TMEM117: variants seen among roughly 807,000 people sequenced by gnomAD.
TMEM117 encodes transmembrane protein 117.
Under a neutral mutation model 52.4 loss-of-function variants are expected in TMEM117, and 27 were observed. The ratio of observed to expected loss-of-function variants is 0.51; its 90% CI spans 0.38 to 0.71. TMEM117 has a LOEUF of 0.71. Ranked by LOEUF, TMEM117 falls within the 30% of genes least tolerant of loss-of-function variation. TMEM117 has a pLI of 0.00. For synonymous variants in TMEM117, 215 were observed against 206.3 expected (o/e 1.04, Z -0.36); for missense variants, 556 against 630.5 (o/e 0.88, Z 1.26).
intron 3 of TMEM117, among the ~76,000 whole-genome samples, chr12:44,096,944 A>G (rs1187885539): frequency 1.3e-5 from 2 of 151,948 alleles, no homozygotes; most frequent in Admixed American, 1.3e-4. Context: ...AGAATGGGAG[A>G]AAATTTTCAC....
intron 2 of TMEM117, among the ~76,000 whole-genome samples, chr12:43,849,304 C>T (rs1056802223): frequency 6.6e-6 from 1 of 152,156 alleles, no homozygotes; most frequent in Non-Finnish European, 1.5e-5. Context: ...AAGAAATTTT[C>T]TCAGCATAGG....
chr12:44,332,707 G>A (rs1287469540), intron 6 of TMEM117, among the ~76,000 whole-genome samples: 1 of 130,054 alleles, frequency 7.7e-6, no homozygotes, highest in Non-Finnish European at 1.6e-5. Flanking sequence ...ACAAACTACT[G>A]TTACTACACA....
At chr12:43,969,261 C>G (rs1565774404) in intron 3 of TMEM117, among the ~76,000 whole-genome samples, 1 of 151,124 alleles carries the variant, frequency 6.6e-6, no homozygotes, top group South Asian at 2.1e-4. Flanking sequence ...TGGCTCATGC[C>G]TGTAATCCCA....
intron 3 of TMEM117, among the ~76,000 whole-genome samples, chr12:44,093,945 T>C (rs1592509830): frequency 1.3e-5 from 2 of 152,090 alleles, no homozygotes; most frequent in Admixed American, 1.3e-4. Context: ...TTTAATATTG[T>C]TAATTTACTC....
At chr12:43,947,013 A>G (rs956069898) in intron 3 of TMEM117, among the ~76,000 whole-genome samples, 2 of 152,322 alleles carry the variant, frequency 1.3e-5, no homozygotes, top group East Asian at 3.9e-4. Flanking sequence ...ATTCAAAGCA[A>G]GGGACAAATG....
In TMEM117 at chr12:43,844,666, T is replaced by C. The variant is rs753975593; in HGVS notation, c.15T>C (p.Phe5=). The change falls in exon 2 of 8, where the codon TTT becomes TTC. Residue 5 remains phenylalanine, a synonymous_variant. Transcript: ENST00000266534. MGKD[F]RYYFQHPWSR... is the part of the protein sequence containing the mutation. Reference sequence around the variant, plus strand: ...AGTTCTGAAGAATGGGTAAAGACTTTCGTTACTATTTCCAGCATCCCTGGT... The same window carrying C: ...AGTTCTGAAGAATGGGTAAAGACTTCCGTTACTATTTCCAGCATCCCTGGT... The C allele has an allele frequency of 5.6e-6, 9 of 1,613,518 alleles. No homozygotes were observed. The highest frequency in any genetic ancestry group is 5.5e-5 in the South Asian group (5 of 90,970).
intron 3 of TMEM117, 41 bp downstream of exon 3, chr12:43,944,383 T>C: frequency 6.4e-7 from 1 of 1,562,652 alleles, no homozygotes; most frequent in Admixed American, 1.9e-5. Context: ...GAGTGTTATG[T>C]TTGAAACTTG....
chr12:44,357,245 C>T (rs941282923), intron 6 of TMEM117, among the ~76,000 whole-genome samples: 3 of 152,208 alleles, frequency 2.0e-5, no homozygotes, highest in South Asian at 2.1e-4. Flanking sequence ...TGTTCCTTGG[C>T]ACTTTCCTTC....
chr12:43,847,322 A>C (rs543861909), intron 2 of TMEM117, among the ~76,000 whole-genome samples: 1 of 152,302 alleles, frequency 6.6e-6, no homozygotes, highest in East Asian at 1.9e-4. Context: ...AAAGATTGGT[A>C]CTATATTAGG....
chr12:44,055,120 G>C (rs970245952), intron 3 of TMEM117, among the ~76,000 whole-genome samples: 1 of 152,200 alleles, frequency 6.6e-6, no homozygotes, highest in Non-Finnish European at 1.5e-5. Context: ...AAACATTTTA[G>C]ATAAGAAAAG....
intron 3 of TMEM117, among the ~76,000 whole-genome samples, chr12:44,066,179 C>T (rs1249265141): frequency 6.6e-6 from 1 of 152,164 alleles, no homozygotes; most frequent in African/African-American, 2.4e-5. Flanking sequence ...GTTTACACAT[C>T]CAGTCAGTTA....
chr12:43,880,253 G>C (rs1943873154), intron 2 of TMEM117, among the ~76,000 whole-genome samples: 1 of 152,070 alleles, frequency 6.6e-6, no homozygotes, highest in Non-Finnish European at 1.5e-5. Context: ...TTCTTTATCA[G>C]GGTGGCTTTT....
intron 7 of TMEM117, among the ~76,000 whole-genome samples, chr12:44,377,515 A>G (rs1244792119): frequency 6.6e-6 from 1 of 152,208 alleles, no homozygotes; most frequent in South Asian, 2.1e-4. Context: ...TGGCTAAAAT[A>G]TGATTTATTG....
chr12:44,148,862 A>T (rs2095531289), intron 4 of TMEM117, among the ~76,000 whole-genome samples: 2 of 152,174 alleles, frequency 1.3e-5, no homozygotes, highest in Non-Finnish European at 2.9e-5. Context: ...TTTCTGGTTC[A>T]GTTTTGTGAC....
chr12:44,252,525 CAAAA>C (rs1950208104), intron 5 of TMEM117, among the ~76,000 whole-genome samples: 1 of 151,918 alleles, frequency 6.6e-6, no homozygotes, highest in African/African-American at 2.4e-5. Flanking sequence ...AACAAACAAA[CAAAA>C]AACAAAAAGC....
chr12:44,099,189 C>A (rs539034902), intron 3 of TMEM117, among the ~76,000 whole-genome samples: 31 of 152,126 alleles, frequency 2.0e-4, no homozygotes, highest in Non-Finnish European at 3.4e-4. Flanking sequence ...GCTAATTATT[C>A]TTTAACAAAA....
chr12:43,950,190 G>C (rs1945196804), intron 3 of TMEM117, among the ~76,000 whole-genome samples: 1 of 152,202 alleles, frequency 6.6e-6, no homozygotes, highest in Admixed American at 6.5e-5. Flanking sequence ...AATATAAGTA[G>C]AGTTTGTTTA....
chr12:44,206,744 T>C (rs1365528762), intron 4 of TMEM117, among the ~76,000 whole-genome samples: 1 of 152,148 alleles, frequency 6.6e-6, no homozygotes, highest in Non-Finnish European at 1.5e-5. Flanking sequence ...TTCTAACTTA[T>C]AAGTGGCATC....
At chr12:43,918,629 A>T (rs534509244) in intron 2 of TMEM117, among the ~76,000 whole-genome samples, 1 of 152,186 alleles carries the variant, frequency 6.6e-6, no homozygotes, top group South Asian at 2.1e-4. Context: ...TTCCTTTTTT[A>T]AAAAACATTA....
Sources: gnomAD v4.1 joint callset for allele counts (sites outside exome capture counted in the v4.1 genomes callset) on GRCh38, gnomAD v4.1.1 for gene constraint, MANE v1.5 for transcripts, NCBI Gene and HGNC (gene_info 2026-07-23, HGNC 2026-07-21) for gene names.